VPS26A: variants seen among roughly 807,000 people sequenced by gnomAD.
VPS26A encodes the protein VPS26 retromer complex component A, also known as vacuolar protein sorting-associated protein 26A.
In VPS26A, 22 loss-of-function variants were observed where a neutral mutation model predicts 42.4. The ratio of observed to expected loss-of-function variants is 0.52; its 90% CI spans 0.37 to 0.74. The LOEUF is 0.74. Ranked by LOEUF, VPS26A falls within the 30% of genes least tolerant of loss-of-function variation. The pLI, the probability that VPS26A is intolerant of heterozygous loss-of-function variation, is 0.00. For missense variants in VPS26A, 276 were observed against 379.2 expected (o/e 0.73, Z 2.26); for synonymous variants, 110 against 123.5 (o/e 0.89, Z 0.73).
intron 4 of VPS26A, among the ~76,000 whole-genome samples, chr10:69,157,436 CCTT>C (rs112160202): frequency 2.3e-3 from 348 of 152,290 alleles, no homozygotes; most frequent in African/African-American, 7.8e-3. Flanking sequence ...AACTGAATGA[CCTT>C]CTAAATCCAC....
At chr10:69,126,968 T>G (rs977047563) in intron 1 of VPS26A, among the ~76,000 whole-genome samples, 1 of 151,780 alleles carries the variant, frequency 6.6e-6, no homozygotes, top group East Asian at 1.9e-4. Context: ...ATTATTATTA[T>G]TATTTTTTGA....
intron 7 of VPS26A, among the ~76,000 whole-genome samples, chr10:69,168,053 T>A (rs1228879974): frequency 6.6e-6 from 1 of 152,216 alleles, no homozygotes; most frequent in African/African-American, 2.4e-5. Context: ...TTATTCCCCA[T>A]TTCACAGATG....
chr10:69,146,256 A>T (rs533397169), intron 2 of VPS26A, among the ~76,000 whole-genome samples: 1 of 152,090 alleles, frequency 6.6e-6, no homozygotes, highest in South Asian at 2.1e-4. Context: ...CACCGCGCCC[A>T]GCTAATTTTT....
At chr10:69,132,588 G>A (rs1023364977) in intron 1 of VPS26A, among the ~76,000 whole-genome samples, 13 of 151,910 alleles carry the variant, frequency 8.6e-5, no homozygotes, top group Non-Finnish European at 4.4e-5. Flanking sequence ...TATCACAGGC[G>A]CATGCCACCA....
chr10:69,140,149 C>A (rs1841010446), intron 2 of VPS26A, among the ~76,000 whole-genome samples: 1 of 151,708 alleles, frequency 6.6e-6, no homozygotes, highest in Non-Finnish European at 1.5e-5. Flanking sequence ...CTCACTGCAG[C>A]CTTGACCTCC....
chr10:69,139,418 C>T (rs1314261589), intron 2 of VPS26A, among the ~76,000 whole-genome samples: 1 of 152,126 alleles, frequency 6.6e-6, no homozygotes, highest in Non-Finnish European at 1.5e-5. Context: ...ATTCTCCTGC[C>T]TCAGCCTCCC....
intron 2 of VPS26A, among the ~76,000 whole-genome samples, chr10:69,143,639 G>A (rs1209532453): frequency 6.6e-6 from 1 of 152,072 alleles, no homozygotes; most frequent in Admixed American, 6.6e-5. Flanking sequence ...AGCTAAATAT[G>A]CTATTTCCTT....
Position 69,149,727 on chromosome 10 carries a change from GTTT to G in VPS26A, c.154-6081_154-6079del, listed in dbSNP as rs151136046. Among the ~76,000 whole-genome samples, 13 of 93,964 alleles carry G rather than the reference GTTT, an allele frequency of 1.4e-4. 2 individuals are homozygous for G. Among genetic ancestry groups the G allele is most frequent in the Non-Finnish European group, 2.4e-4 (12 of 50,470 alleles). 61.6% of individuals were successfully genotyped at this position (93,964 alleles called of 152,430 possible). ...ACCATGGAATGTTAACTTTCTTGGTGTTTTTTGTTTTTTTTTTTTTTTTTTTTT... is the reference window on the plus strand; with the variant it reads ...ACCATGGAATGTTAACTTTCTTGGTGTTTGTTTTTTTTTTTTTTTTTTTTT... On this transcript the variant is annotated intron_variant, in intron 2 of 8. Transcript: ENST00000263559.
chr10:69,131,180 A>G (rs1249437930), intron 1 of VPS26A, among the ~76,000 whole-genome samples: 1 of 152,136 alleles, frequency 6.6e-6, no homozygotes, highest in Non-Finnish European at 1.5e-5. Context: ...GGGCTTCACC[A>G]TGTTGGCCAG....
intron 2 of VPS26A, among the ~76,000 whole-genome samples, chr10:69,148,495 G>A (rs551733528): frequency 6.6e-6 from 1 of 152,284 alleles, no homozygotes; most frequent in African/African-American, 2.4e-5. Flanking sequence ...ACTAATCTTG[G>A]ATTTCCACTG....
At position 69,124,179 on chromosome 10, in the gene VPS26A, AGGTCACGTGAC is replaced by A. The variant is rs1840589716; in HGVS notation, c.-96_-86del. On this transcript the variant is annotated 5_prime_UTR_variant, in exon 1 of 9. Coordinates refer to ENST00000263559, the MANE Select transcript of VPS26A (RefSeq NM_004896.5). The stretch of plus-strand genomic sequence containing the variant: ...GCGGTCACGTGTGAGGGGCGGCCCG[AGGTCACGTGAC>A]GGAGCGCCGGAGCGGAGGGAGCCGG... 8.2e-7 allele frequency: 1 copy of A among 1,218,634 alleles called. No individual in the cohort carries two copies. The highest frequency in any genetic ancestry group is 1.0e-6 in the Non-Finnish European group (1 of 961,708). 75.5% of individuals were successfully genotyped at this position (1,218,634 alleles called of 1,614,324 possible). A position where few individuals can be genotyped will look rare whatever the true frequency, so the allele number is the denominator to read the frequency against.
intron 2 of VPS26A, among the ~76,000 whole-genome samples, chr10:69,144,645 G>T (rs1250817939): frequency 6.6e-6 from 1 of 151,412 alleles, no homozygotes; most frequent in Non-Finnish European, 1.5e-5. Context: ...ATATTCCATT[G>T]TATGGATGTA....
intron 8 of VPS26A, 50 bp downstream of exon 8, chr10:69,168,681 A>T: frequency 1.3e-6 from 2 of 1,586,506 alleles, no homozygotes; most frequent in Non-Finnish European, 1.7e-6. Context: ...ATCTAAAAAT[A>T]CCTCGAAAGC....
In VPS26A at chr10:69,173,984, AAATGGACCAACCAGTGTTCTGTAG is replaced by A. The variant is rs1281923566; in HGVS notation, c.*2726_*2749del. ...ACTCCAGCCTGGCTAGAAGTTTGTA[AAATGGACCAACCAGTGTTCTGTAG>A]AATGGACCAATCAGCAGGACGTGGG... On this transcript the variant is annotated 3_prime_UTR_variant, in exon 9 of 9. Transcript: ENST00000263559. Among the ~76,000 whole-genome samples, 1 of 152,220 alleles carries A rather than the reference AAATGGACCAACCAGTGTTCTGTAG, an allele frequency of 6.6e-6. No individual in the cohort carries two copies. Among genetic ancestry groups the A allele is most frequent in the African/African-American group, 2.4e-5 (1 of 41,458 alleles).
At chr10:69,135,723 G>C (rs1015711313) in intron 2 of VPS26A, among the ~76,000 whole-genome samples, 1 of 152,086 alleles carries the variant, frequency 6.6e-6, no homozygotes, top group Admixed American at 6.5e-5. Flanking sequence ...ACTATATCTT[G>C]AATCTGATTG....
intron 3 of VPS26A, among the ~76,000 whole-genome samples, chr10:69,156,553 G>A (rs1841433118): frequency 6.6e-6 from 1 of 152,120 alleles, no homozygotes; most frequent in African/African-American, 2.4e-5. Flanking sequence ...TTATATATCT[G>A]TTCTGACTGA....
intron 2 of VPS26A, chr10:69,133,397 A>G: frequency 2.6e-6 from 1 of 389,450 alleles, no homozygotes; most frequent in Non-Finnish European, 4.2e-6. Flanking sequence ...AATTCACCCA[A>G]AGTTTGTTTT....
At chr10:69,162,359 G>A in intron 5 of VPS26A, 47 bp from the exon 6 acceptor site, 1 of 990,594 alleles carries the variant, frequency 1.0e-6, no homozygotes, top group Non-Finnish European at 1.5e-6. Flanking sequence ...CACTGTTTTT[G>A]CTTGTTTTTA....
At chr10:69,158,671 T>G (rs1841486690) in intron 5 of VPS26A, among the ~76,000 whole-genome samples, 1 of 152,178 alleles carries the variant, frequency 6.6e-6, no homozygotes, top group African/African-American at 2.4e-5. Flanking sequence ...TTAATGCCTT[T>G]TTAAATTTTA....
Sources: gnomAD v4.1 joint callset for allele counts (sites outside exome capture counted in the v4.1 genomes callset) on GRCh38, gnomAD v4.1.1 for gene constraint, MANE v1.5 for transcripts, NCBI Gene and HGNC (gene_info 2026-07-23, HGNC 2026-07-21) for gene names.